The following PLA2G15 variants were observed in gnomAD, a reference collection of about 807,000 sequenced individuals.
PLA2G15 encodes the protein lysosomal phospholipase A and acyltransferase.
In PLA2G15, 20 loss-of-function variants were observed where a neutral mutation model predicts 40.9. The ratio of observed to expected loss-of-function variants is 0.49; its 90% CI spans 0.34 to 0.71. The LOEUF (loss-of-function observed/expected upper bound fraction) is 0.71, where lower values mean the gene tolerates loss of function less well. PLA2G15 is among the 30% of genes least tolerant of loss of function. PLA2G15 has a pLI of 0.01. For synonymous variants in PLA2G15, 223 were observed against 228.2 expected, an observed-to-expected ratio of 0.98 and a Z score of 0.21; for missense variants, 471 against 541.9, an observed-to-expected ratio of 0.87 and a Z score of 1.30.
intron 2 of PLA2G15, chr16:68,250,327 G>T (rs1245474065): frequency 1.2e-5 from 4 of 331,312 alleles, no homozygotes; most frequent in Admixed American, 9.6e-5. Context: ...GCTGGGTGCA[G>T]TGGCGCTATC....
chr16:68,249,459 G>A lies in PLA2G15; in HGVS notation c.284+13G>A, dbSNP rs2042336213. On this transcript the variant is annotated intron_variant, in intron 2 of 5. Coordinates refer to ENST00000219345, the MANE Select transcript of PLA2G15 (RefSeq NM_012320.4). ...TTGACAATATCAGGTGGGGGCTGGG[G>A]CACACAGAGGGGGGTGCTGCTCACC... is the stretch of plus-strand genomic sequence containing the variant. 6.2e-7 allele frequency: 1 copy of A among 1,613,018 alleles called. No individual in the cohort carries two copies. Among genetic ancestry groups the A allele is most frequent in the South Asian group, 1.1e-5 (1 of 91,036 alleles).
At position 68,249,345 on chromosome 16, in the gene PLA2G15, G is replaced by T. The variant is rs746593819; in HGVS notation, c.183G>T (p.Val61=). The T allele has an allele frequency of 6.2e-7, 1 of 1,613,958 alleles. No individual in the cohort carries two copies. The highest frequency in any genetic ancestry group is 1.1e-5 in the South Asian group (1 of 91,078). The change falls in exon 2 of 6, where the codon GTG becomes GTT. Residue 61 remains valine, a synonymous_variant. Coordinates refer to ENST00000219345, the MANE Select transcript of PLA2G15 (RefSeq NM_012320.4). The stretch of plus-strand genomic sequence containing the variant: ...CCAAGCTGGACAAGCCGACAGTGGT[G>T]CACTACCTCTGCTCCAAGAAGACCG... ...LEAKLDKPTV[V]HYLCSKKTES...
Position 68,255,796 on chromosome 16 carries a change from G to T in PLA2G15, c.533G>T (p.Arg178Leu), listed in dbSNP as rs147630845. ...AACGGGCCCTACTTCCTGGCCCTCCGCGAGATGATCGAGGAGATGTACCAG... is the reference window on the plus strand; with the variant it reads ...AACGGGCCCTACTTCCTGGCCCTCCTCGAGATGATCGAGGAGATGTACCAG... ...NENGPYFLAL[R>L]EMIEEMYQLY... is the part of the protein sequence containing the mutation. The change falls in exon 5 of 6, where the codon CGC (arginine) becomes CTC (leucine). Residue 178 changes from arginine (R) to leucine (L), a missense_variant. Physicochemically the swap from Arg to Leu is moderately radical, Grantham distance 102 (BLOSUM62 -2). Transcript: ENST00000219345. The surrounding 1 kb of genome is among the most constrained non-coding windows in gnomAD (Gnocchi z 5.9). The T allele has an allele frequency of 1.9e-6, 3 of 1,614,000 alleles. No homozygotes were observed. Among genetic ancestry groups the T allele is most frequent in the Admixed American group, 1.7e-5 (1 of 60,006 alleles).
chr16:68,249,201 C>T (rs1206185788), intron 1 of PLA2G15, 89 bp from the exon 2 acceptor site: 10 of 1,054,304 alleles, frequency 9.5e-6, no homozygotes, highest in Admixed American at 2.0e-5. Context: ...ATCTGTGGCT[C>T]TTCAGGGGGT....
chr16:68,256,076 A>T (rs2042399659), intron 5 of PLA2G15, 86 bp downstream of exon 5: 1 of 839,040 alleles, frequency 1.2e-6, no homozygotes, highest in African/African-American at 1.7e-5. Context: ...CTGGGCCAGC[A>T]TGCCTCGTGT....
intron 2 of PLA2G15, chr16:68,253,455 C>T (rs1326089800): frequency 2.3e-6 from 1 of 438,900 alleles, no homozygotes; most frequent in Non-Finnish European, 4.6e-6. Context: ...CGGCTCACTA[C>T]ACCTCTGCCT....
chr16:68,249,199 C>A, intron 1 of PLA2G15, 91 bp from the exon 2 acceptor site: 1 of 1,000,208 alleles, frequency 1.0e-6, no homozygotes, highest in Non-Finnish European at 1.5e-6. Context: ...TTATCTGTGG[C>A]TCTTCAGGGG....
rs2042394275 is a variant in PLA2G15, at chr16:68,255,653, G to C, written c.503-113G>C. ...CGGGGGGACCCAGACCGCTCTGTTT[G>C]AATGTGAGCACCCTCCCCTCCCCCT... On this transcript the variant is annotated intron_variant, in intron 4 of 5. Transcript: ENST00000219345. The surrounding 1 kb of genome is among the most constrained non-coding windows in gnomAD (Gnocchi z 5.9). The C allele has an allele frequency of 1.1e-6, 1 of 874,428 alleles. No individual in the cohort carries two copies. Among genetic ancestry groups the C allele is most frequent in the Non-Finnish European group, 1.9e-6 (1 of 534,910 alleles). 54.2% of individuals were successfully genotyped at this position (874,428 alleles called of 1,614,324 possible). A position where few individuals can be genotyped will look rare whatever the true frequency, so the allele number is the denominator to read the frequency against.
rs371055911 is a variant in PLA2G15 at position 68,249,325 on chromosome 16, C to G, written c.163C>G (p.Leu55Val). ...TTTGGGTAACCAACTGGAAGCCAAG[C>G]TGGACAAGCCGACAGTGGTGCACTA... ...GDLGNQLEAK[L>V]DKPTVVHYLC... is the part of the protein sequence containing the mutation. The change falls in exon 2 of 6, where the codon CTG (leucine) becomes GTG (valine). Residue 55 changes from leucine to valine, a missense_variant. By Grantham distance (32) the Leu-to-Val change is conservative. Transcript: ENST00000219345. 2.5e-6 allele frequency: 4 copies of G among 1,614,132 alleles called. No individual in the cohort carries two copies. The highest frequency in any genetic ancestry group is 2.5e-6 in the Non-Finnish European group (3 of 1,179,980).
At chr16:68,253,275 C>T in intron 2 of PLA2G15, 1 of 330,870 alleles carries the variant, frequency 3.0e-6, no homozygotes, top group South Asian at 2.2e-5. Flanking sequence ...TCTCTCCCCA[C>T]CAGCTCCCAT....
At chr16:68,245,614 G>C in intron 1 of PLA2G15, 61 bp downstream of exon 1, 1 of 1,521,152 alleles carries the variant, frequency 6.6e-7, no homozygotes, top group Non-Finnish European at 8.8e-7. Context: ...GGGCGGGGCT[G>C]CCTTCCCGGT....
intron 1 of PLA2G15, among the ~76,000 whole-genome samples, chr16:68,248,076 C>T (rs1021289988): frequency 1.3e-5 from 2 of 152,312 alleles, no homozygotes; most frequent in Non-Finnish European, 2.9e-5. Context: ...GTTTCCAATA[C>T]GGGCTCCCAG....
In PLA2G15 at chr16:68,259,433, C is replaced by G. The variant is rs759922075; in HGVS notation, c.1015C>G (p.Pro339Ala). The change falls in exon 6 of 6, where the codon CCA becomes GCA. Residue 339 changes from proline to alanine, a missense_variant. Pro to Ala is a conservative substitution (Grantham distance 27). Transcript: ENST00000219345. The surrounding 1 kb of genome is among the most constrained non-coding windows in gnomAD (Gnocchi z 6.5). ...CCTCTATGGTACTGGCGTCCCCACA[C>G]CAGACTCCTTCTACTATGAGAGCTT... ...HCLYGTGVPTPDSFYYESFPD... is the reference protein window; with the variant it reads ...HCLYGTGVPTADSFYYESFPD... 2.5e-6 allele frequency: 4 copies of G among 1,613,956 alleles called. No homozygotes were observed. Among genetic ancestry groups the G allele is most frequent in the Non-Finnish European group, 1.7e-6 (2 of 1,180,022 alleles).
chr16:68,249,257 T>C (rs1320233982), intron 1 of PLA2G15, 33 bp from the exon 2 acceptor site: 6 of 1,607,136 alleles, frequency 3.7e-6, no homozygotes, highest in Non-Finnish European at 5.1e-6. Context: ...CCTGCCGGGC[T>C]GAGGGCTCAC....
At chr16:68,253,394 G>T in intron 2 of PLA2G15, 1 of 434,524 alleles carries the variant, frequency 2.3e-6, no homozygotes, top group East Asian at 7.4e-5. Flanking sequence ...TTGTTTTTTT[G>T]AGACAGAGTT....
At chr16:68,245,577 ATC>A in intron 1 of PLA2G15, 24 bp downstream of exon 1, 1 of 1,557,058 alleles carries the variant, frequency 6.4e-7, no homozygotes, top group Non-Finnish European at 8.6e-7. Flanking sequence ...CTCGTGGTGG[ATC>A]TGTCGGTCGG....
chr16:68,245,977 C>T (rs1171342765), intron 1 of PLA2G15, among the ~76,000 whole-genome samples: 3 of 152,162 alleles, frequency 2.0e-5, no homozygotes, highest in Non-Finnish European at 4.4e-5. Flanking sequence ...TCGACCCCTC[C>T]AATGCCACAT....
intron 2 of PLA2G15, among the ~76,000 whole-genome samples, chr16:68,253,110 A>T (rs2151203581): frequency 6.6e-6 from 1 of 152,298 alleles, no homozygotes; most frequent in Admixed American, 6.5e-5. Flanking sequence ...CTGACAGTTG[A>T]TACAGCCCTG....
At chr16:68,252,548 T>C in intron 2 of PLA2G15, 1 of 456,078 alleles carries the variant, frequency 2.2e-6, no homozygotes, top group Non-Finnish European at 4.4e-6. Context: ...GCAGCAGCTG[T>C]GTACTGAGCC....
Sources: allele counts gnomAD v4.1 joint callset (sites outside exome capture counted in the v4.1 genomes callset), GRCh38; gene constraint gnomAD v4.1.1; non-coding constraint Gnocchi (gnomAD v3.1); transcripts MANE v1.5; gene names NCBI Gene and HGNC (gene_info 2026-07-23, HGNC 2026-07-21).